KCNH7: variants seen among roughly 807,000 people sequenced by gnomAD.
KCNH7 encodes the protein potassium voltage-gated channel subfamily H member 7.
Under a neutral mutation model 120.8 loss-of-function variants are expected in KCNH7, and 49 were observed. That is an observed-to-expected ratio of 0.41 (90% CI 0.32 to 0.51). The LOEUF (loss-of-function observed/expected upper bound fraction) is 0.51. Among genes scored for constraint, KCNH7 ranks in the 20% least tolerant of loss-of-function variants. The pLI, the probability that KCNH7 is intolerant of heterozygous loss-of-function variation, is 0.38. For missense variants in KCNH7, 1,097 were observed against 1,446.6 expected (o/e 0.76, Z 3.92); for synonymous variants, 547 against 516.1 (o/e 1.06, Z -0.81).
At chr2:162,429,381 G>GTTTTTTT (rs1158431426) in intron 8 of KCNH7, among the ~76,000 whole-genome samples, 3 of 43,424 alleles carry the variant, frequency 6.9e-5, no homozygotes, top group African/African-American at 4.3e-4. Context: ...TGAGGAAAAA[G>GTTTTTTT]TCTTTTTTTT....
chr2:162,668,699 G>A (rs1272321683), intron 2 of KCNH7, among the ~76,000 whole-genome samples: 1 of 151,922 alleles, frequency 6.6e-6, no homozygotes, highest in Non-Finnish European at 1.5e-5. Flanking sequence ...ACACACACAA[G>A]AATAAGGTAT....
intron 2 of KCNH7, among the ~76,000 whole-genome samples, chr2:162,718,670 C>T (rs1323956466): frequency 6.6e-6 from 1 of 151,894 alleles, no homozygotes; most frequent in East Asian, 1.9e-4. Flanking sequence ...TTGAATGGAA[C>T]AACACTCATT....
chr2:162,643,674 C>T (rs905373097), intron 2 of KCNH7, among the ~76,000 whole-genome samples: 15 of 151,688 alleles, frequency 9.9e-5, no homozygotes, highest in Admixed American at 2.6e-4. Flanking sequence ...GGCATGGCGG[C>T]GCACACCTGT....
At chr2:162,450,347 G>A (rs556441687) in intron 6 of KCNH7, among the ~76,000 whole-genome samples, 3 of 152,146 alleles carry the variant, frequency 2.0e-5, no homozygotes, top group Admixed American at 6.6e-5. Flanking sequence ...ACAATGGAGT[G>A]TGTTTTGACA....
At chr2:162,797,529 G>A (rs754596720) in intron 2 of KCNH7, 2 of 152,040 alleles carry the variant, frequency 1.3e-5, no homozygotes, top group African/African-American at 2.4e-5. Context: ...GCAGGATACA[G>A]ACACAAAGGC....
chr2:162,493,828 G>T (rs918825148), intron 6 of KCNH7, among the ~76,000 whole-genome samples: 2 of 152,122 alleles, frequency 1.3e-5, no homozygotes, highest in Admixed American at 6.6e-5. Flanking sequence ...TTTGCTTAGG[G>T]TTAGAGAATA....
chr2:162,663,384 C>T (rs532978348), intron 2 of KCNH7, among the ~76,000 whole-genome samples: 1 of 152,148 alleles, frequency 6.6e-6, no homozygotes, highest in Admixed American at 6.5e-5. Flanking sequence ...TCATATTTAG[C>T]TTTATTTGAG....
chr2:162,607,987 T>TGA (rs1682837628), intron 2 of KCNH7, among the ~76,000 whole-genome samples: 1 of 152,234 alleles, frequency 6.6e-6, no homozygotes, highest in Non-Finnish European at 1.5e-5. Context: ...AAATCTGACT[T>TGA]ATTCTTTTAG....
At chr2:162,758,299 C>T (rs1245045189) in intron 2 of KCNH7, among the ~76,000 whole-genome samples, 1 of 152,102 alleles carries the variant, frequency 6.6e-6, no homozygotes, top group African/African-American at 2.4e-5. Context: ...CCAGTATAAG[C>T]AGCCAGGCTA....
chr2:162,754,976 A>G (rs16847234), intron 2 of KCNH7, among the ~76,000 whole-genome samples: 5,192 of 151,952 alleles, frequency 0.034, 104 homozygotes, highest in East Asian at 0.051. Flanking sequence ...CGTGAATCTA[A>G]TAAGTGCCAC....
chr2:162,621,209 T>G (rs571723980), intron 2 of KCNH7, among the ~76,000 whole-genome samples: 8 of 151,954 alleles, frequency 5.3e-5, no homozygotes, highest in East Asian at 1.9e-4. Context: ...TGTGATTTTT[T>G]TTTGTTTGTT....
intron 2 of KCNH7, among the ~76,000 whole-genome samples, chr2:162,739,708 TA>T (rs995797800): frequency 2.6e-5 from 4 of 152,150 alleles, no homozygotes; most frequent in Admixed American, 6.5e-5. Context: ...TATTTCCATG[TA>T]GCTTGGTCTG....
At chr2:162,715,472 T>C (rs1687085217) in intron 2 of KCNH7, among the ~76,000 whole-genome samples, 1 of 152,156 alleles carries the variant, frequency 6.6e-6, no homozygotes, top group African/African-American at 2.4e-5. Flanking sequence ...CTATATCAGT[T>C]GGTATGGTGG....
chr2:162,520,834 C>T (rs543694628), intron 3 of KCNH7, among the ~76,000 whole-genome samples: 1 of 151,794 alleles, frequency 6.6e-6, no homozygotes, highest in Admixed American at 6.6e-5. Flanking sequence ...CCCCTGTGCT[C>T]CCCTGCTACC....
intron 2 of KCNH7, among the ~76,000 whole-genome samples, chr2:162,636,169 GTAT>G (rs1030502952): frequency 6.6e-6 from 1 of 151,978 alleles, no homozygotes; most frequent in Non-Finnish European, 1.5e-5. Flanking sequence ...TTGTGGGGTG[GTAT>G]TATTTCATGA....
rs547467170 is a variant in KCNH7, at chr2:162,692,615, G to C, written c.307+143922C>G. Reference sequence around the variant, plus strand: ...AGGTAGAAAAAAGTGTAGATAATTGGATTTTTTTCCTCTATTGATATTTTA... The same window carrying C: ...AGGTAGAAAAAAGTGTAGATAATTGCATTTTTTTCCTCTATTGATATTTTA... On this transcript the variant is annotated intron_variant, in intron 2 of 15. Coordinates refer to ENST00000332142, the MANE Select transcript of KCNH7 (RefSeq NM_033272.4). Among the ~76,000 whole-genome samples the C allele has an allele frequency of 5.3e-5, 8 of 152,046 alleles. No homozygotes were observed. The East Asian group carries it at 1.5e-3, about 29-fold the overall frequency.
chr2:162,779,715 G>A (rs548633396), intron 2 of KCNH7, among the ~76,000 whole-genome samples: 1 of 151,996 alleles, frequency 6.6e-6, no homozygotes, highest in African/African-American at 2.4e-5. Flanking sequence ...GGTTGATAAC[G>A]TCACCTGGTG....
In KCNH7 at chr2:162,446,384, G is replaced by T. The variant is rs1688576596; in HGVS notation, c.1188C>A (p.Asn396Lys). The T allele has an allele frequency of 1.9e-6, 3 of 1,613,696 alleles. No homozygotes were observed. The highest frequency in any genetic ancestry group is 1.3e-5 in the African/African-American group (1 of 75,018). ...GGCTGTAGTGCAATATCGTAAACTT[G>T]TTGATGCGTGGTGTCTGCAGTTTGT... ...PEYKLQTPRI[N>K]KFTILHYSPF... Residue 396 changes from asparagine (N) to lysine (K), a missense_variant, in exon 7 of 16, where the codon AAC becomes AAA. Around this residue, in one of 8 missense-constraint regions of KCNH7, gnomAD observed 362 missense variants for 372.2 expected, o/e 0.97. Transcript: ENST00000332142.
At chr2:162,717,814 A>C (rs1489536571) in intron 2 of KCNH7, among the ~76,000 whole-genome samples, 1 of 152,074 alleles carries the variant, frequency 6.6e-6, no homozygotes, top group African/African-American at 2.4e-5. Flanking sequence ...GATTATTGAA[A>C]TGAATTCAGT....
Sources: gnomAD v4.1 joint callset for allele counts (sites outside exome capture counted in the v4.1 genomes callset) on GRCh38, gnomAD v4.1.1 for gene constraint, gnomAD v4.1.1 regional missense constraint, MANE v1.5 for transcripts, NCBI Gene and HGNC (gene_info 2026-07-23, HGNC 2026-07-21) for gene names.